ARHGAP31: variants seen among roughly 807,000 people sequenced by gnomAD.
ARHGAP31 encodes the protein Rho GTPase activating protein 31.
In ARHGAP31, 34 loss-of-function variants were observed where a neutral mutation model predicts 113.9. The observed-to-expected ratio is 0.30, with a 90% CI of 0.23 to 0.40. The LOEUF (loss-of-function observed/expected upper bound fraction) is 0.40. Ranked by LOEUF, ARHGAP31 falls within the 10% of genes least tolerant of loss-of-function variation. ARHGAP31 has a pLI of 1.00. For missense variants in ARHGAP31, 1,548 were observed against 1,767.1 expected, an observed-to-expected ratio of 0.88 and a Z score of 2.22; for synonymous variants, 650 against 684.8, an observed-to-expected ratio of 0.95 and a Z score of 0.79.
At chr3:119,399,646 GC>G (rs1263627069) in intron 9 of ARHGAP31, among the ~76,000 whole-genome samples, 1 of 152,224 alleles carries the variant, frequency 6.6e-6, no homozygotes, top group Non-Finnish European at 1.5e-5. Flanking sequence ...ATGCCTAGAG[GC>G]CTATGTATCT....
At chr3:119,408,189 G>C (rs1340723034) in intron 10 of ARHGAP31, among the ~76,000 whole-genome samples, 3 of 152,106 alleles carry the variant, frequency 2.0e-5, no homozygotes, top group African/African-American at 4.8e-5. Flanking sequence ...TTTGGTATTG[G>C]GGGGAGGTCC....
Position 119,408,919 on chromosome 3 carries a change from T to C in ARHGAP31, c.1646-577T>C, listed in dbSNP as rs1220337270. Among the ~76,000 whole-genome samples the C allele has an allele frequency of 5.7e-4, 87 of 152,186 alleles. 2 individuals are homozygous for C. The highest frequency in any genetic ancestry group is 5.6e-3 in the Admixed American group (86 of 15,276). On this transcript the variant is annotated intron_variant, in intron 10 of 11. Coordinates refer to ENST00000264245, the MANE Select transcript of ARHGAP31 (RefSeq NM_020754.4). Reference sequence around the variant, plus strand: ...TGGGAAGAGTCACACAGGAAGCTGTTAATCATAATTATAAGAAGCAAGATG... The same window carrying C: ...TGGGAAGAGTCACACAGGAAGCTGTCAATCATAATTATAAGAAGCAAGATG...
intron 6 of ARHGAP31, among the ~76,000 whole-genome samples, chr3:119,384,072 G>A (rs2080426866): frequency 6.6e-6 from 1 of 152,080 alleles, no homozygotes; most frequent in African/African-American, 2.4e-5. Flanking sequence ...GAGAATCACT[G>A]GTGCATAAAA....
At chr3:119,405,427 A>T (rs2080651804) in intron 10 of ARHGAP31, among the ~76,000 whole-genome samples, 1 of 152,178 alleles carries the variant, frequency 6.6e-6, no homozygotes, top group South Asian at 2.1e-4. Flanking sequence ...TGGTCAGAGT[A>T]GGCTCACCCC....
At chr3:119,318,071 A>T (rs1387913801) in intron 1 of ARHGAP31, among the ~76,000 whole-genome samples, 1 of 151,450 alleles carries the variant, frequency 6.6e-6, no homozygotes, top group Non-Finnish European at 1.5e-5. Flanking sequence ...AGCACCACCC[A>T]GGGCAACATA....
chr3:119,322,745 C>G lies in ARHGAP31; in HGVS notation c.100+27741C>G, dbSNP rs1330216097. On this transcript the variant is annotated intron_variant, in intron 1 of 11. Coordinates refer to ENST00000264245, the MANE Select transcript of ARHGAP31 (RefSeq NM_020754.4). ...TTCACTCGCTTCCCCTCGAGCGCCC[C>G]TCTAGGCTGGGGCCCGGCCGCTCTG... is the stretch of plus-strand genomic sequence containing the variant. 2.0e-5 allele frequency: 3 copies of G among 153,790 alleles called. No homozygotes were observed. The East Asian group carries it at 5.7e-4, about 29-fold the overall frequency. 9.5% of individuals were successfully genotyped at this position (153,790 alleles called of 1,614,324 possible).
chr3:119,334,468 G>A (rs1299757902), intron 1 of ARHGAP31, among the ~76,000 whole-genome samples: 5 of 152,242 alleles, frequency 3.3e-5, no homozygotes, highest in African/African-American at 9.6e-5. Context: ...AAATTTCCCT[G>A]TGATTAGGGA....
Position 119,409,518 on chromosome 3 carries a change from T to A in ARHGAP31, c.1668T>A (p.Gly556=), listed in dbSNP as rs1169725088. 1 of 1,614,026 alleles carries A rather than the reference T, an allele frequency of 6.2e-7. No individual in the cohort carries two copies. The highest frequency in any genetic ancestry group is 8.5e-7 in the Non-Finnish European group (1 of 1,180,032). ...TSAASVPKKA[G]LEDAKAVPEA... is the part of the protein sequence containing the mutation. Reference sequence around the variant, plus strand: ...CAGCTTCTGTACCTAAGAAGGCAGGTCTTGAGGATGCCAAGGCAGTACCTG... The same window carrying A: ...CAGCTTCTGTACCTAAGAAGGCAGGACTTGAGGATGCCAAGGCAGTACCTG... Residue 556 remains glycine (G), a synonymous_variant, in exon 11 of 12, where the codon GGT becomes GGA. Transcript: ENST00000264245.
At chr3:119,413,394 C>T (rs1192832844) in intron 11 of ARHGAP31, among the ~76,000 whole-genome samples, 1 of 151,170 alleles carries the variant, frequency 6.6e-6, no homozygotes, top group Non-Finnish European at 1.5e-5. Flanking sequence ...TAAGACTTAA[C>T]ATTTTCATTC....
chr3:119,317,126 T>TA (rs1410376545), intron 1 of ARHGAP31, among the ~76,000 whole-genome samples: 2 of 152,246 alleles, frequency 1.3e-5, no homozygotes, highest in Non-Finnish European at 2.9e-5. Flanking sequence ...TCAGCACTAA[T>TA]ATGTAATGTG....
Position 119,393,556 on chromosome 3 carries a change from A to G in ARHGAP31, c.971A>G (p.Asn324Ser). 6.2e-7 allele frequency: 1 copy of G among 1,614,142 alleles called. No homozygotes were observed. The highest frequency in any genetic ancestry group is 1.3e-5 in the African/African-American group (1 of 75,060). The change falls in exon 8 of 12, where the codon AAT becomes AGT. Residue 324 changes from asparagine (N) to serine (S), a missense_variant. Transcript: ENST00000264245. Reference sequence around the variant, plus strand: ...GACTCCAAATCAAAACTGAGTAGAAATGGGAGTGTATTTGTGAGAGGACAG... The same window carrying G: ...GACTCCAAATCAAAACTGAGTAGAAGTGGGAGTGTATTTGTGAGAGGACAG... ...GSDSKSKLSR[N>S]GSVFVRGQRL...
intron 1 of ARHGAP31, among the ~76,000 whole-genome samples, chr3:119,362,804 T>C (rs2080221182): frequency 6.7e-6 from 1 of 149,958 alleles, no homozygotes; most frequent in South Asian, 2.1e-4. Context: ...GGAGTAGAGA[T>C]GAGTTTTGAC....
At chr3:119,359,871 C>T (rs1309192385) in intron 1 of ARHGAP31, among the ~76,000 whole-genome samples, 1 of 152,114 alleles carries the variant, frequency 6.6e-6, no homozygotes, top group Non-Finnish European at 1.5e-5. Flanking sequence ...AAAAATCCCC[C>T]CTCTCTCCCG....
chr3:119,327,021 G>A (rs927629884), intron 1 of ARHGAP31, among the ~76,000 whole-genome samples: 2 of 151,194 alleles, frequency 1.3e-5, no homozygotes, highest in Admixed American at 6.6e-5. Context: ...CGCGCCTGTA[G>A]TCTCAGTTAC....
chr3:119,313,942 C>G (rs2079706290), intron 1 of ARHGAP31, among the ~76,000 whole-genome samples: 1 of 152,238 alleles, frequency 6.6e-6, no homozygotes, highest in African/African-American at 2.4e-5. Flanking sequence ...TTAATAAGAG[C>G]TTGTCACCAG....
At chr3:119,381,744 T>C (rs1384019865) in intron 4 of ARHGAP31, among the ~76,000 whole-genome samples, 1 of 152,140 alleles carries the variant, frequency 6.6e-6, no homozygotes, top group Admixed American at 6.5e-5. Context: ...TCCCAGCACT[T>C]TGGGAGGCCC....
intron 1 of ARHGAP31, among the ~76,000 whole-genome samples, chr3:119,310,896 T>C (rs1238110968): frequency 2.0e-5 from 3 of 152,096 alleles, no homozygotes; most frequent in Admixed American, 6.5e-5. Flanking sequence ...CAACCCTAAA[T>C]TGGAATTAAC....
At chr3:119,341,410 T>G (rs1417466606) in intron 1 of ARHGAP31, among the ~76,000 whole-genome samples, 1 of 152,192 alleles carries the variant, frequency 6.6e-6, no homozygotes, top group South Asian at 2.1e-4. Flanking sequence ...TTTCCACAGG[T>G]TAACTCATTT....
chr3:119,372,075 T>C (rs935605910), intron 3 of ARHGAP31, among the ~76,000 whole-genome samples: 1 of 152,226 alleles, frequency 6.6e-6, no homozygotes, highest in African/African-American at 2.4e-5. Flanking sequence ...AACATACGTG[T>C]GCATGCGTCT....
Sources: allele counts gnomAD v4.1 joint callset (sites outside exome capture counted in the v4.1 genomes callset), GRCh38; gene constraint gnomAD v4.1.1; transcripts MANE v1.5; gene names NCBI Gene and HGNC (gene_info 2026-07-23, HGNC 2026-07-21).